ELAPOR2: variants seen among roughly 807,000 people sequenced by gnomAD.
The protein encoded by ELAPOR2 is endosome/lysosome-associated apoptosis and autophagy regulator family member 2.
Under a neutral mutation model 120.7 loss-of-function variants are expected in ELAPOR2, and 89 were observed. The observed-to-expected ratio is 0.74, with a 90% CI of 0.62 to 0.88. The LOEUF is 0.88. ELAPOR2 is among the 40% of genes least tolerant of loss of function. The pLI, the probability that ELAPOR2 is intolerant of heterozygous loss-of-function variation, is 0.00. For missense variants in ELAPOR2, 1,134 were observed against 1,251.6 expected, an observed-to-expected ratio of 0.91 and a Z score of 1.42; for synonymous variants, 444 against 444.9, an observed-to-expected ratio of 1.00 and a Z score of 0.03.
intron 2 of ELAPOR2, among the ~76,000 whole-genome samples, chr7:86,948,394 C>T (rs1791095324): frequency 6.6e-6 from 1 of 152,168 alleles, no homozygotes; most frequent in Non-Finnish European, 1.5e-5. Context: ...TGGATAAGCA[C>T]ATATTAAGAC....
intron 1 of ELAPOR2, among the ~76,000 whole-genome samples, chr7:86,966,694 A>G (rs772294175): frequency 2.0e-5 from 3 of 152,224 alleles, no homozygotes; most frequent in Non-Finnish European, 2.9e-5. Flanking sequence ...TTAAAACAAC[A>G]GAAATATATT....
intron 2 of ELAPOR2, among the ~76,000 whole-genome samples, chr7:86,955,558 C>T (rs568798568): frequency 7.2e-5 from 11 of 152,120 alleles, no homozygotes; most frequent in Admixed American, 6.5e-5. Flanking sequence ...ATATTCCTAT[C>T]AGAAGAGAAT....
intron 1 of ELAPOR2, among the ~76,000 whole-genome samples, chr7:87,016,784 AG>A (rs1397231632): frequency 1.3e-5 from 2 of 151,842 alleles, no homozygotes; most frequent in African/African-American, 4.8e-5. Flanking sequence ...GAAAAGGAAA[AG>A]GTAAAAGTTG....
intron 1 of ELAPOR2, among the ~76,000 whole-genome samples, chr7:87,039,735 C>T (rs1046233528): frequency 2.0e-5 from 3 of 151,764 alleles, no homozygotes; most frequent in Non-Finnish European, 4.4e-5. Flanking sequence ...AATTTAAAAA[C>T]TAGGTATAGA....
At chr7:86,974,098 AT>A (rs1190834504) in intron 1 of ELAPOR2, among the ~76,000 whole-genome samples, 1 of 152,028 alleles carries the variant, frequency 6.6e-6, no homozygotes, top group African/African-American at 2.4e-5. Flanking sequence ...TGAAAGTATA[AT>A]TTTCCAAAAA....
chr7:87,054,705 G>T (rs1448895997), intron 1 of ELAPOR2, among the ~76,000 whole-genome samples: 1 of 152,114 alleles, frequency 6.6e-6, no homozygotes, highest in Non-Finnish European at 1.5e-5. Flanking sequence ...AATCTAGGAA[G>T]GCTCTATAAC....
chr7:86,919,371 G>T, intron 10 of ELAPOR2, 61 bp from the exon 11 acceptor site: 1 of 944,440 alleles, frequency 1.1e-6, no homozygotes, highest in Non-Finnish European at 1.6e-6. Flanking sequence ...CCAACAATCT[G>T]TTTAAATAAG....
chr7:86,883,364 T>C (rs1799513290), intron 21 of ELAPOR2, among the ~76,000 whole-genome samples: 1 of 152,146 alleles, frequency 6.6e-6, no homozygotes, highest in Non-Finnish European at 1.5e-5. Flanking sequence ...GACATAATAG[T>C]TAATGAACAT....
rs1799216737 is a variant in ELAPOR2, at chr7:86,877,600, A to G, written c.*2871T>C. 1 of 152,152 alleles carries G rather than the reference A, an allele frequency of 6.6e-6. No individual in the cohort carries two copies. The highest frequency in any genetic ancestry group is 2.4e-5 in the African/African-American group (1 of 41,454). The allele number at this position is 152,152 out of a possible 1,614,324, so 9.4% of individuals were successfully genotyped here. On this transcript the variant is annotated 3_prime_UTR_variant, in exon 22 of 22. Coordinates refer to ENST00000450689, the MANE Select transcript of ELAPOR2 (RefSeq NM_001142749.3). ...GAAATTATGTACACATTAGCCTCCC[A>G]TTAGAAATAACCATGTGCCACAGGA...
chr7:86,930,309 T>C (rs1191084033), intron 8 of ELAPOR2, among the ~76,000 whole-genome samples: 1 of 151,904 alleles, frequency 6.6e-6, no homozygotes, highest in African/African-American at 2.4e-5. Context: ...TTAGAAAAAT[T>C]TTATTTTAAA....
At chr7:86,881,626 G>C (rs2115718102) in intron 21 of ELAPOR2, among the ~76,000 whole-genome samples, 1 of 152,178 alleles carries the variant, frequency 6.6e-6, no homozygotes, top group East Asian at 1.9e-4. Context: ...AAAGTGCTGG[G>C]ATTACAGGCA....
intron 1 of ELAPOR2, among the ~76,000 whole-genome samples, chr7:86,969,416 AT>A (rs1442859995): frequency 3.3e-5 from 5 of 152,178 alleles, no homozygotes; most frequent in African/African-American, 1.2e-4. Flanking sequence ...GACCATATAT[AT>A]TTTTATATAC....
intron 12 of ELAPOR2, among the ~76,000 whole-genome samples, chr7:86,915,474 A>C (rs1190112102): frequency 6.6e-6 from 1 of 151,994 alleles, no homozygotes; most frequent in Non-Finnish European, 1.5e-5. Flanking sequence ...ACTAAATTCA[A>C]GATAATATTA....
intron 8 of ELAPOR2, among the ~76,000 whole-genome samples, chr7:86,937,520 G>A (rs1361327652): frequency 6.6e-6 from 1 of 152,072 alleles, no homozygotes; most frequent in East Asian, 1.9e-4. Flanking sequence ...GTCAACTGCA[G>A]AGCTCATGTG....
chr7:86,947,973 C>T, intron 2 of ELAPOR2, 51 bp from the exon 3 acceptor site: 1 of 1,272,174 alleles, frequency 7.9e-7, no homozygotes, highest in Non-Finnish European at 1.1e-6. Flanking sequence ...CATCAATTTC[C>T]TCCCCTTCAT....
chr7:87,053,483 C>G (rs544670280), intron 1 of ELAPOR2, among the ~76,000 whole-genome samples: 2 of 152,050 alleles, frequency 1.3e-5, no homozygotes, highest in Admixed American at 1.3e-4. Context: ...AAAAAGGTAT[C>G]CCTTTTTCCA....
At chr7:86,904,433 G>T (rs956843872) in intron 18 of ELAPOR2, among the ~76,000 whole-genome samples, 10 of 152,146 alleles carry the variant, frequency 6.6e-5, no homozygotes, top group Admixed American at 6.5e-4. Context: ...AGGAATATCA[G>T]CAGCCTATTG....
intron 3 of ELAPOR2, 59 bp from the exon 4 acceptor site, chr7:86,945,105 C>CAAA: frequency 2.8e-6 from 4 of 1,448,992 alleles, no homozygotes; most frequent in Non-Finnish European, 3.7e-6. Flanking sequence ...CTTCTATTCA[C>CAAA]AAAACTATGT....
intron 1 of ELAPOR2, among the ~76,000 whole-genome samples, chr7:87,051,181 G>T (rs1448952664): frequency 1.3e-5 from 2 of 152,146 alleles, no homozygotes; most frequent in Non-Finnish European, 2.9e-5. Flanking sequence ...GGAGGGCCAA[G>T]AATAAATCGC....
Sources: gnomAD v4.1 joint callset for allele counts (sites outside exome capture counted in the v4.1 genomes callset) on GRCh38, gnomAD v4.1.1 for gene constraint, MANE v1.5 for transcripts, NCBI Gene and HGNC (gene_info 2026-07-23, HGNC 2026-07-21) for gene names.